Variants in SERP2 observed in about 807,000 individuals in gnomAD.
SERP2 encodes the protein stress associated endoplasmic reticulum protein family member 2.
SERP2 carries 6 observed loss-of-function variants against 9.1 expected under a neutral mutation model. The ratio of observed to expected loss-of-function variants is 0.66; its 90% CI spans 0.36 to 1.30. The LOEUF (loss-of-function observed/expected upper bound fraction) is 1.30, where lower values mean the gene tolerates loss of function less well. Among genes scored for constraint, SERP2 ranks in the 50% most tolerant of loss-of-function variants. The probability of loss-of-function intolerance (pLI) is 0.03; values close to 1 mark genes in which losing one functional copy is unlikely to be tolerated. For missense variants in SERP2, 58 were observed against 81.9 expected (o/e 0.71, Z 1.13); for synonymous variants, 37 against 27.3 (o/e 1.35, Z -1.10).
chr13:44,374,252 T>A (rs1871502461), intron 1 of SERP2, 143 bp downstream of exon 1: 1 of 536,716 alleles, frequency 1.9e-6, no homozygotes, highest in South Asian at 4.6e-5. Flanking sequence ...TCCTGCAGAG[T>A]GGGGGCTGAG....
rs368974812 is a variant in SERP2 at position 44,379,756 on chromosome 13, G to C, written c.157+43G>C. On this transcript the variant is annotated intron_variant, in intron 2 of 2. Coordinates refer to ENST00000379179, the MANE Select transcript of SERP2 (RefSeq NM_001010897.3). ...AACTTATATCCCATGTTCTCCACTG[G>C]CCTTTGAAAAACACACGTTTTCTTC... The C allele has an allele frequency of 9.5e-4, 1,332 of 1,397,618 alleles. 3 individuals carry two copies. The highest frequency in any genetic ancestry group is 1.2e-3 in the Non-Finnish European group (1,240 of 1,009,618). 86.6% of individuals were successfully genotyped at this position (1,397,618 alleles called of 1,614,324 possible). A position where few individuals can be genotyped will look rare whatever the true frequency, so the allele number is the denominator to read the frequency against.
intron 1 of SERP2, among the ~76,000 whole-genome samples, chr13:44,376,053 T>C (rs1871630011): frequency 6.6e-6 from 1 of 152,254 alleles, no homozygotes; most frequent in Non-Finnish European, 1.5e-5. Flanking sequence ...GAAACTCTCA[T>C]AGTGCCTTGC....
intron 2 of SERP2, among the ~76,000 whole-genome samples, chr13:44,394,599 A>C (rs1872979307): frequency 6.6e-6 from 1 of 152,248 alleles, no homozygotes; most frequent in Non-Finnish European, 1.5e-5. Flanking sequence ...TTTTTGTCTA[A>C]GGGCAAGAGT....
intron 2 of SERP2, among the ~76,000 whole-genome samples, chr13:44,392,152 C>A (rs1190962122): frequency 1.7e-5 from 2 of 120,678 alleles, no homozygotes; most frequent in Admixed American, 2.1e-4. Context: ...AAGCCGAGAT[C>A]GTGCCACTGC....
At chr13:44,379,451 G>C (rs911754075) in intron 1 of SERP2, among the ~76,000 whole-genome samples, 190 bp from the exon 2 acceptor site, 1 of 152,310 alleles carries the variant, frequency 6.6e-6, no homozygotes, top group Admixed American at 6.5e-5. Context: ...GGTTATGGAT[G>C]AATTTTTACA....
At chr13:44,373,659 C>T (rs945238166), upstream of SERP2, 3 of 223,160 alleles carry the variant, frequency 1.3e-5, no homozygotes, top group African/African-American at 7.0e-5. The surrounding 1 kb of genome is among the most constrained non-coding windows in gnomAD (Gnocchi z 4.8). Flanking sequence ...CATTCGGCTA[C>T]AGGACCGCGA....
Position 44,373,956 on chromosome 13 carries a change from C to T in SERP2, c.-70C>T. 1 of 1,428,830 alleles carries T rather than the reference C, an allele frequency of 7.0e-7. No homozygotes were observed. The highest frequency in any genetic ancestry group is 9.5e-7 in the Non-Finnish European group (1 of 1,047,958). 88.5% of individuals were successfully genotyped at this position (1,428,830 alleles called of 1,614,324 possible). Reference sequence around the variant, plus strand: ...GCCGCGGGGGCCTCGGCGGGACGCGCTCGGCCCTGTCGCAGGAGCTAACGC... The same window carrying T: ...GCCGCGGGGGCCTCGGCGGGACGCGTTCGGCCCTGTCGCAGGAGCTAACGC... On this transcript the variant is annotated 5_prime_UTR_variant, in exon 1 of 3. Coordinates refer to ENST00000379179, the MANE Select transcript of SERP2 (RefSeq NM_001010897.3). The surrounding 1 kb of genome is among the most constrained non-coding windows in gnomAD (Gnocchi z 4.8).
intron 2 of SERP2, among the ~76,000 whole-genome samples, chr13:44,392,024 G>C (rs1409978617): frequency 1.3e-5 from 2 of 151,104 alleles, no homozygotes; most frequent in East Asian, 2.0e-4. Flanking sequence ...GTGAAACCCC[G>C]TCTCTATTAA....
chr13:44,377,659 CA>C (rs1376348714), intron 1 of SERP2, among the ~76,000 whole-genome samples: 1 of 152,226 alleles, frequency 6.6e-6, no homozygotes. Context: ...AATCCTTAGT[CA>C]AAGTCTACCT....
At chr13:44,387,319 TC>T (rs761639202) in intron 2 of SERP2, among the ~76,000 whole-genome samples, 41 of 152,178 alleles carry the variant, frequency 2.7e-4, no homozygotes, top group Non-Finnish European at 2.2e-4. Flanking sequence ...TGAGAAGGAC[TC>T]CCGGGCTATA....
chr13:44,388,280 G>T (rs112423281), intron 2 of SERP2, among the ~76,000 whole-genome samples: 29 of 398 alleles, frequency 0.073, no homozygotes, highest in African/African-American at 0.21. Flanking sequence ...GGGTTTTTTT[G>T]TGTGTGTGTT....
chr13:44,385,592 G>C (rs1208321108), intron 2 of SERP2, among the ~76,000 whole-genome samples: 1 of 152,156 alleles, frequency 6.6e-6, no homozygotes, highest in Non-Finnish European at 1.5e-5. Flanking sequence ...GTTGTCTTAG[G>C]CAAGGGACTG....
chr13:44,385,990 C>T (rs1677508454), intron 2 of SERP2, among the ~76,000 whole-genome samples: 1 of 152,124 alleles, frequency 6.6e-6, no homozygotes, highest in African/African-American at 2.4e-5. Context: ...GTTGCAGACT[C>T]GACCTCTCAC....
chr13:44,386,594 G>A (rs1306472536), intron 2 of SERP2, among the ~76,000 whole-genome samples: 3 of 152,178 alleles, frequency 2.0e-5, no homozygotes, highest in African/African-American at 7.2e-5. Flanking sequence ...CTGTTGTTGA[G>A]GCTGGTCTCA....
chr13:44,397,372 G>A lies in SERP2; in HGVS notation c.*60G>A. On this transcript the variant is annotated 3_prime_UTR_variant, in exon 3 of 3. Coordinates refer to ENST00000379179, the MANE Select transcript of SERP2 (RefSeq NM_001010897.3). ...TGGAGGCGGGAGGACAACGGAAGCG[G>A]TCAGCCAGTTTCTGCGGGAAACAAG... 7 of 1,338,070 alleles carry A rather than the reference G, an allele frequency of 5.2e-6. No homozygotes were observed. Among genetic ancestry groups the A allele is most frequent in the Non-Finnish European group, 7.5e-6 (7 of 930,488 alleles). 82.9% of individuals were successfully genotyped at this position (1,338,070 alleles called of 1,614,324 possible). A position where few individuals can be genotyped will look rare whatever the true frequency, so the allele number is the denominator to read the frequency against.
At chr13:44,377,349 C>A (rs1455455706) in intron 1 of SERP2, among the ~76,000 whole-genome samples, 1 of 152,158 alleles carries the variant, frequency 6.6e-6, no homozygotes, top group Non-Finnish European at 1.5e-5. Flanking sequence ...ATCAGTGGCA[C>A]AACAGCAACA....
chr13:44,384,742 T>G (rs1872217024), intron 2 of SERP2, among the ~76,000 whole-genome samples: 1 of 152,360 alleles, frequency 6.6e-6, no homozygotes, highest in Middle Eastern at 3.4e-3. Flanking sequence ...GGAGGTCATA[T>G]GGCCTTTCTT....
intron 1 of SERP2, among the ~76,000 whole-genome samples, chr13:44,376,760 G>A (rs992291648): frequency 6.6e-6 from 1 of 151,720 alleles, no homozygotes; most frequent in African/African-American, 2.4e-5. Flanking sequence ...GGGTGACAGA[G>A]CAAGACTCCG....
At chr13:44,381,711 C>G (rs182628364) in intron 2 of SERP2, among the ~76,000 whole-genome samples, 1 of 152,206 alleles carries the variant, frequency 6.6e-6, no homozygotes, top group Non-Finnish European at 1.5e-5. Context: ...CCTTGACTCA[C>G]GTCTAGCTGA....
Sources: allele counts gnomAD v4.1 joint callset (sites outside exome capture counted in the v4.1 genomes callset), GRCh38; gene constraint gnomAD v4.1.1; non-coding constraint Gnocchi (gnomAD v3.1); transcripts MANE v1.5; gene names NCBI Gene and HGNC (gene_info 2026-07-23, HGNC 2026-07-21).